SMOC2: variants seen among roughly 807,000 people sequenced by gnomAD.
SMOC2 encodes the protein SPARC related modular calcium binding 2.
In SMOC2, 39 loss-of-function variants were observed where a neutral mutation model predicts 61.4. That is an observed-to-expected ratio of 0.64 (90% CI 0.49 to 0.83). The LOEUF is 0.83. Among genes scored for constraint, SMOC2 ranks in the 40% least tolerant of loss-of-function variants. The probability of loss-of-function intolerance (pLI) is 0.00; values close to 1 mark genes in which losing one functional copy is unlikely to be tolerated. For missense variants in SMOC2, 556 were observed against 592.9 expected (o/e 0.94, Z 0.65); for synonymous variants, 247 against 239.9 (o/e 1.03, Z -0.27).
chr6:168,576,079 A>G lies in SMOC2; in HGVS notation c.638-22739A>G, dbSNP rs1212333862. Among the ~76,000 whole-genome samples the G allele has an allele frequency of 7.2e-5, 11 of 152,192 alleles. No individual in the cohort carries two copies. In the South Asian group the frequency reaches 2.1e-3, roughly 29 times the overall value. On this transcript the variant is annotated intron_variant, in intron 7 of 12. Transcript: ENST00000356284. ...TCCCCTCCCTACCCTAGCCTTGGTC[A>G]GGTTGTGGTTGCTCAGATTTAGTTG...
intron 9 of SMOC2, among the ~76,000 whole-genome samples, chr6:168,637,744 A>G (rs1049846116): frequency 5.9e-5 from 9 of 152,224 alleles, no homozygotes; most frequent in Non-Finnish European, 1.0e-4. Context: ...TCTTCCAAAC[A>G]AAACTGCAAA....
intron 9 of SMOC2, among the ~76,000 whole-genome samples, chr6:168,629,941 G>A (rs1480833416): frequency 1.3e-5 from 2 of 152,154 alleles, no homozygotes; most frequent in Non-Finnish European, 2.9e-5. Flanking sequence ...GAAACACCGG[G>A]GTGGGTGGCT....
chr6:168,614,202 A>AGG (rs1554250612), intron 9 of SMOC2, among the ~76,000 whole-genome samples: 3 of 71,996 alleles, frequency 4.2e-5, no homozygotes, highest in African/African-American at 6.2e-5. Flanking sequence ...CAGCCAGCAC[A>AGG]GAGCCTCTTC....
chr6:168,463,835 G>C (rs907911814), intron 1 of SMOC2, among the ~76,000 whole-genome samples: 1 of 152,104 alleles, frequency 6.6e-6, no homozygotes, highest in Non-Finnish European at 1.5e-5. Context: ...TAGAGACGTC[G>C]GCTGAGATGA....
chr6:168,467,136 A>AACACACACACACACACACAC (rs10536582), intron 1 of SMOC2, among the ~76,000 whole-genome samples: 15 of 133,430 alleles, frequency 1.1e-4, no homozygotes, highest in Admixed American at 4.5e-4. Flanking sequence ...AGTGCTCTCA[A>AACACACACACACACACACAC]ACACACACAC....
At chr6:168,619,849 T>C (rs1230376313) in intron 9 of SMOC2, among the ~76,000 whole-genome samples, 7 of 152,234 alleles carry the variant, frequency 4.6e-5, no homozygotes, top group Admixed American at 4.6e-4. Flanking sequence ...GTGTAGCCAG[T>C]GCCTGCCATG....
At chr6:168,461,955 C>T (rs376946957) in intron 1 of SMOC2, among the ~76,000 whole-genome samples, 5 of 152,288 alleles carry the variant, frequency 3.3e-5, no homozygotes, top group Non-Finnish European at 4.4e-5. Flanking sequence ...TGTCTTAGCC[C>T]GTCTGACTGT....
intron 7 of SMOC2, among the ~76,000 whole-genome samples, chr6:168,585,774 C>G (rs1785034211): frequency 6.6e-6 from 1 of 152,226 alleles, no homozygotes; most frequent in African/African-American, 2.4e-5. Flanking sequence ...CAGTTTCTTT[C>G]AAATACTTAT....
At chr6:168,532,193 C>A (rs1484699530) in intron 4 of SMOC2, among the ~76,000 whole-genome samples, 1 of 152,034 alleles carries the variant, frequency 6.6e-6, no homozygotes, top group Non-Finnish European at 1.5e-5. Flanking sequence ...CTCCTCAGGG[C>A]CCTGCTGATG....
chr6:168,517,760 ACT>A (rs146803006), intron 2 of SMOC2, among the ~76,000 whole-genome samples: 18,744 of 151,894 alleles, frequency 0.12, 1,400 homozygotes, highest in East Asian at 0.22. Context: ...GGCTGGGCAG[ACT>A]CTGACGGGTG....
intron 9 of SMOC2, among the ~76,000 whole-genome samples, chr6:168,641,010 G>C (rs1467985435): frequency 6.6e-6 from 1 of 152,080 alleles, no homozygotes; most frequent in Admixed American, 6.5e-5. Flanking sequence ...GAACGACTTA[G>C]TTCTCCTTAA....
intron 9 of SMOC2, among the ~76,000 whole-genome samples, chr6:168,629,452 G>C (rs541121131): frequency 2.0e-5 from 3 of 152,234 alleles, no homozygotes; most frequent in African/African-American, 7.2e-5. Flanking sequence ...CACAGGACAG[G>C]CTGATTGGGT....
At chr6:168,496,825 A>T (rs557055880) in intron 1 of SMOC2, among the ~76,000 whole-genome samples, 2 of 152,282 alleles carry the variant, frequency 1.3e-5, no homozygotes, top group East Asian at 3.9e-4. Context: ...CTGTGGGGAG[A>T]ATTCTCTTGG....
intron 9 of SMOC2, among the ~76,000 whole-genome samples, chr6:168,622,194 C>T (rs1786265257): frequency 6.6e-6 from 1 of 152,092 alleles, no homozygotes; most frequent in African/African-American, 2.4e-5. Flanking sequence ...TCTCGATCTC[C>T]TGACCTCCTG....
intron 7 of SMOC2, among the ~76,000 whole-genome samples, chr6:168,579,393 T>A (rs1313038186): frequency 6.6e-6 from 1 of 152,140 alleles, no homozygotes; most frequent in African/African-American, 2.4e-5. Flanking sequence ...TTATTTCTCA[T>A]CAGCTGTATT....
At chr6:168,647,913 A>G (rs994283183) in intron 9 of SMOC2, among the ~76,000 whole-genome samples, 1 of 152,192 alleles carries the variant, frequency 6.6e-6, no homozygotes. Flanking sequence ...TTAGAAGTAC[A>G]TAATGCTTTT....
chr6:168,558,872 T>TGC, intron 7 of SMOC2, among the ~76,000 whole-genome samples: 1 of 44,232 alleles, frequency 2.3e-5, no homozygotes, highest in South Asian at 6.4e-4. Flanking sequence ...TGTGTGTGCA[T>TGC]GTGTGTGCGT....
At chr6:168,450,920 T>C (rs1199152960) in intron 1 of SMOC2, among the ~76,000 whole-genome samples, 3 of 152,232 alleles carry the variant, frequency 2.0e-5, no homozygotes, top group Admixed American at 2.0e-4. Context: ...CCCCACATGA[T>C]ACTTTACGTA....
intron 7 of SMOC2, among the ~76,000 whole-genome samples, chr6:168,591,944 C>G (rs1785190678): frequency 6.6e-6 from 1 of 152,030 alleles, no homozygotes; most frequent in Non-Finnish European, 1.5e-5. Context: ...TTATTTTTCT[C>G]TATCAATGGT....
Sources: gnomAD v4.1 joint callset for allele counts (sites outside exome capture counted in the v4.1 genomes callset) on GRCh38, gnomAD v4.1.1 for gene constraint, MANE v1.5 for transcripts, NCBI Gene and HGNC (gene_info 2026-07-23, HGNC 2026-07-21) for gene names.